The following ST3GAL1 variants were observed in gnomAD, a reference collection of about 807,000 sequenced individuals.
ST3GAL1 encodes ST3 beta-galactoside alpha-2,3-sialyltransferase 1.
Under a neutral mutation model 34.1 loss-of-function variants are expected in ST3GAL1, and 16 were observed. The observed-to-expected ratio is 0.47, with a 90% CI of 0.32 to 0.71. The LOEUF (loss-of-function observed/expected upper bound fraction) is 0.71. Among genes scored for constraint, ST3GAL1 ranks in the 30% least tolerant of loss-of-function variants. ST3GAL1 has a pLI of 0.04. For synonymous variants in ST3GAL1, 191 were observed against 184.7 expected (o/e 1.03, Z -0.28); for missense variants, 353 against 447.4 (o/e 0.79, Z 1.90).
In ST3GAL1 at chr8:133,465,897, A is replaced by C; in HGVS notation, c.500T>G (p.Leu167Arg). ...GPEIDSHDFVLRMNKAPTAGF... is the reference protein window; with the variant it reads ...GPEIDSHDFVRRMNKAPTAGF... ...TGGGAGAGGGTCTGGCACTCACCTG[A>C]GGACAAAGTCGTGACTGTCTATCTC... Residue 167 changes from leucine to arginine, a missense_variant, in exon 6 of 10, where the codon CTC becomes CGC. Leu to Arg is a moderately radical substitution (Grantham distance 102, BLOSUM62 -2). Transcript: ENST00000522652. The C allele has an allele frequency of 6.2e-7, 1 of 1,613,414 alleles. No individual in the cohort carries two copies. Among genetic ancestry groups the C allele is most frequent in the Non-Finnish European group, 8.5e-7 (1 of 1,179,594 alleles).
chr8:133,501,838 G>T (rs1261962532), intron 2 of ST3GAL1, among the ~76,000 whole-genome samples: 1 of 152,190 alleles, frequency 6.6e-6, no homozygotes, highest in Non-Finnish European at 1.5e-5. Flanking sequence ...AGCCACAGAA[G>T]GCCATGGGGA....
In ST3GAL1 at chr8:133,459,135, T is replaced by A. The variant is rs916182235; in HGVS notation, c.*629A>T. ...GTCTTGAACTCCTGGGCTCAAGTGA[T>A]CCTCCCGCCTCGGCCTCCCAAAGTG... On this transcript the variant is annotated 3_prime_UTR_variant, in exon 10 of 10. Transcript: ENST00000522652. The surrounding 1 kb of genome is among the most constrained non-coding windows in gnomAD (Gnocchi z 4.7). 6.6e-6 allele frequency: 1 copy of A among 152,206 alleles called. No homozygotes were observed. The highest frequency in any genetic ancestry group is 2.4e-5 in the African/African-American group (1 of 41,416). 9.4% of individuals were successfully genotyped at this position (152,206 alleles called of 1,614,324 possible).
chr8:133,546,043 C>T (rs1170072981), intron 1 of ST3GAL1, 117 bp from the exon 2 acceptor site: 1 of 152,206 alleles, frequency 6.6e-6, no homozygotes, highest in Non-Finnish European at 1.5e-5. Context: ...ACTCACTCAC[C>T]CAATTATTTA....
intron 3 of ST3GAL1, among the ~76,000 whole-genome samples, chr8:133,484,800 C>A (rs1816519410): frequency 6.6e-6 from 1 of 152,150 alleles, no homozygotes; most frequent in African/African-American, 2.4e-5. Flanking sequence ...TGCCACCTGT[C>A]CATCCCCCTG....
chr8:133,494,567 T>A (rs763093868), intron 3 of ST3GAL1, among the ~76,000 whole-genome samples: 2 of 152,222 alleles, frequency 1.3e-5, no homozygotes, highest in Non-Finnish European at 1.5e-5. Context: ...TTTCTGCTTA[T>A]GCCCCTACCT....
intron 8 of ST3GAL1, 40 bp from the exon 9 acceptor site, chr8:133,462,034 G>A: frequency 1.9e-6 from 3 of 1,613,082 alleles, no homozygotes; most frequent in South Asian, 1.1e-5. Context: ...TGAGTTCTGG[G>A]GGGCAAAGGA....
intron 2 of ST3GAL1, among the ~76,000 whole-genome samples, chr8:133,534,649 T>G (rs1021461696): frequency 6.6e-6 from 1 of 152,188 alleles, no homozygotes; most frequent in African/African-American, 2.4e-5. Context: ...GTCCGCCCAT[T>G]TCCAGTTCTC....
chr8:133,548,343 C>T (rs1818728319), intron 1 of ST3GAL1, among the ~76,000 whole-genome samples: 1 of 152,196 alleles, frequency 6.6e-6, no homozygotes. Context: ...TTTCTACTCA[C>T]CCTTCACATT....
At chr8:133,470,193 G>C (rs890897740) in intron 5 of ST3GAL1, among the ~76,000 whole-genome samples, 1 of 152,212 alleles carries the variant, frequency 6.6e-6, no homozygotes, top group Admixed American at 6.5e-5. Context: ...GCCAAGGCGG[G>C]TGGGTCACCT....
At chr8:133,568,429 C>T (rs1819471006) in intron 1 of ST3GAL1, among the ~76,000 whole-genome samples, 1 of 152,236 alleles carries the variant, frequency 6.6e-6, no homozygotes, top group African/African-American at 2.4e-5. Context: ...ACAAAGTCTA[C>T]ACAACGGAAC....
At chr8:133,483,834 C>G (rs1291940706) in intron 3 of ST3GAL1, among the ~76,000 whole-genome samples, 2 of 152,202 alleles carry the variant, frequency 1.3e-5, no homozygotes, top group East Asian at 3.9e-4. Flanking sequence ...TGTAGAGAGT[C>G]AGGCCCACCT....
chr8:133,490,935 T>C (rs1381582347), intron 3 of ST3GAL1, among the ~76,000 whole-genome samples: 1 of 152,210 alleles, frequency 6.6e-6, no homozygotes, highest in Non-Finnish European at 1.5e-5. Flanking sequence ...TCCCTGCTCC[T>C]TTCTGCATCG....
intron 1 of ST3GAL1, among the ~76,000 whole-genome samples, chr8:133,567,520 G>A (rs902035037): frequency 5.3e-5 from 8 of 152,198 alleles, no homozygotes; most frequent in African/African-American, 2.4e-5. Flanking sequence ...GCTTGTGGAT[G>A]GGAAGCAAAA....
chr8:133,477,303 A>G (rs72718272), intron 3 of ST3GAL1, among the ~76,000 whole-genome samples: 8,998 of 152,306 alleles, frequency 0.059, 349 homozygotes, highest in African/African-American at 0.1. Flanking sequence ...CAACATGTGA[A>G]TGAATCAATA....
At chr8:133,536,039 G>A (rs1035428257) in intron 2 of ST3GAL1, among the ~76,000 whole-genome samples, 7 of 152,152 alleles carry the variant, frequency 4.6e-5, no homozygotes, top group Non-Finnish European at 8.8e-5. Context: ...GTTGTTATCC[G>A]TTATGTCCAT....
chr8:133,471,638 A>G (rs1815966136), intron 5 of ST3GAL1, among the ~76,000 whole-genome samples: 1 of 152,094 alleles, frequency 6.6e-6, no homozygotes, highest in Non-Finnish European at 1.5e-5. Context: ...CTTTAACTAC[A>G]AGGGGATCTG....
At chr8:133,493,764 T>G (rs1421669144) in intron 3 of ST3GAL1, among the ~76,000 whole-genome samples, 1 of 151,358 alleles carries the variant, frequency 6.6e-6, no homozygotes, top group Non-Finnish European at 1.5e-5. Context: ...GAGAATCACT[T>G]GAACCTGGGA....
Position 133,461,798 on chromosome 8 carries a change from C to T in ST3GAL1, c.849+77G>A. The T allele has an allele frequency of 2.5e-6, 4 of 1,588,830 alleles. No homozygotes were observed. The highest frequency in any genetic ancestry group is 1.7e-6 in the Non-Finnish European group (2 of 1,163,966). On this transcript the variant is annotated intron_variant, in intron 9 of 9. Coordinates refer to ENST00000522652, the MANE Select transcript of ST3GAL1 (RefSeq NM_173344.3). The surrounding 1 kb of genome is among the most constrained non-coding windows in gnomAD (Gnocchi z 4.7). ...AGGCAGGCTAGGTCTACCTGCCCTC[C>T]CCCTCCCTGGCCTCTCTTGGGAACA...
In ST3GAL1 at chr8:133,466,813, C is replaced by T. The variant is rs117533278; in HGVS notation, c.307-723G>A. On this transcript the variant is annotated intron_variant, in intron 5 of 9. Coordinates refer to ENST00000522652, the MANE Select transcript of ST3GAL1 (RefSeq NM_173344.3). The surrounding 1 kb of genome is among the most constrained non-coding windows in gnomAD (Gnocchi z 4.4). ...ATTGTTTTCATCTTTTAAGACCTAGCCTGGGCCAGGTGCGGTGGCTCACAC... is the reference window on the plus strand; with the variant it reads ...ATTGTTTTCATCTTTTAAGACCTAGTCTGGGCCAGGTGCGGTGGCTCACAC... Among the ~76,000 whole-genome samples, 271 of 152,280 alleles carry T rather than the reference C, an allele frequency of 1.8e-3. 3 individuals carry two copies. The East Asian group carries it at 0.044, about 25-fold the overall frequency.
Sources: gnomAD v4.1 joint callset for allele counts (sites outside exome capture counted in the v4.1 genomes callset) on GRCh38, gnomAD v4.1.1 for gene constraint, Gnocchi (gnomAD v3.1) non-coding constraint, MANE v1.5 for transcripts, NCBI Gene and HGNC (gene_info 2026-07-23, HGNC 2026-07-21) for gene names.